The following SNTB1 variants were observed in gnomAD, a reference collection of about 807,000 sequenced individuals.
SNTB1 encodes syntrophin beta 1.
A neutral mutation model predicts 48.9 loss-of-function variants in SNTB1; 36 were observed. The ratio of observed to expected loss-of-function variants is 0.74; its 90% CI spans 0.56 to 0.97. The LOEUF is 0.97. Ranked by LOEUF, SNTB1 falls within the 50% of genes least tolerant of loss-of-function variation. SNTB1 has a pLI of 0.00. For missense variants in SNTB1, 786 were observed against 703.4 expected (o/e 1.12, Z -1.33); for synonymous variants, 299 against 294.6 (o/e 1.01, Z -0.15).
chr8:120,654,039 C>CAAAAA (rs58873007), intron 2 of SNTB1, among the ~76,000 whole-genome samples: 5,934 of 25,290 alleles, frequency 0.23, 2,029 homozygotes, highest in Non-Finnish European at 0.31. Context: ...GACTCTGCCT[C>CAAAAA]AAAAAAAAAA....
At chr8:120,624,858 C>G (rs916598613) in intron 3 of SNTB1, among the ~76,000 whole-genome samples, 1 of 152,148 alleles carries the variant, frequency 6.6e-6, no homozygotes, top group Non-Finnish European at 1.5e-5. Context: ...ATTCCTGTTC[C>G]AAAAGGGAGA....
chr8:120,680,315 C>G (rs777426148), intron 2 of SNTB1, among the ~76,000 whole-genome samples: 19 of 152,182 alleles, frequency 1.2e-4, no homozygotes, highest in Non-Finnish European at 2.6e-4. Context: ...ATTGATGCAG[C>G]CTCAACATCC....
At chr8:120,682,136 A>G (rs1486800601) in intron 2 of SNTB1, among the ~76,000 whole-genome samples, 1 of 152,320 alleles carries the variant, frequency 6.6e-6, no homozygotes, top group East Asian at 1.9e-4. Flanking sequence ...AGAGAAAAAA[A>G]CCTTACAACA....
intron 2 of SNTB1, among the ~76,000 whole-genome samples, chr8:120,681,362 C>A (rs1034667749): frequency 1.3e-5 from 2 of 152,082 alleles, no homozygotes; most frequent in Non-Finnish European, 2.9e-5. Flanking sequence ...GGACAGACAG[C>A]GATGGAGCTG....
At chr8:120,568,216 G>C (rs1402192008) in intron 4 of SNTB1, among the ~76,000 whole-genome samples, 2 of 152,142 alleles carry the variant, frequency 1.3e-5, no homozygotes, top group South Asian at 4.2e-4. Context: ...CCACCTCAGA[G>C]AGCCACCTTT....
chr8:120,608,209 A>G (rs117498391), intron 3 of SNTB1, among the ~76,000 whole-genome samples: 1,825 of 152,282 alleles, frequency 0.012, 22 homozygotes, highest in Non-Finnish European at 0.018. Context: ...CAAAATTTCA[A>G]ATTGCAAAAG....
chr8:120,648,679 C>A (rs985430688), intron 2 of SNTB1, among the ~76,000 whole-genome samples: 2 of 151,346 alleles, frequency 1.3e-5, no homozygotes, highest in African/African-American at 4.8e-5. Context: ...ATCTTTGTGG[C>A]GTTGTCTGTA....
chr8:120,542,645 C>T (rs1225535362), intron 5 of SNTB1, among the ~76,000 whole-genome samples: 1 of 151,938 alleles, frequency 6.6e-6, no homozygotes, highest in Non-Finnish European at 1.5e-5. Context: ...CAGAGCAAGA[C>T]TCTGTCTCAA....
chr8:120,563,199 AT>A (rs1336313982), intron 4 of SNTB1, among the ~76,000 whole-genome samples: 2 of 152,100 alleles, frequency 1.3e-5, no homozygotes, highest in African/African-American at 4.8e-5. Context: ...TGTGACCTTA[AT>A]CCTCACTCTC....
chr8:120,555,231 A>G (rs574154205), intron 4 of SNTB1, among the ~76,000 whole-genome samples: 21 of 152,306 alleles, frequency 1.4e-4, no homozygotes, highest in Middle Eastern at 3.4e-3. Flanking sequence ...GTGGAGGTTT[A>G]ATAGGTAGAA....
intron 4 of SNTB1, among the ~76,000 whole-genome samples, chr8:120,556,022 G>A (rs1347905292): frequency 1.3e-5 from 2 of 152,160 alleles, no homozygotes; most frequent in African/African-American, 4.8e-5. Flanking sequence ...CCAGTCTGTG[G>A]TATTTTGTTA....
chr8:120,730,296 A>G (rs1818830277), intron 1 of SNTB1, among the ~76,000 whole-genome samples: 1 of 151,964 alleles, frequency 6.6e-6, no homozygotes, highest in Non-Finnish European at 1.5e-5. Flanking sequence ...AGTAGCTGGG[A>G]TTTCAGGTGC....
At chr8:120,804,347 G>T (rs904801802) in intron 1 of SNTB1, among the ~76,000 whole-genome samples, 1 of 151,984 alleles carries the variant, frequency 6.6e-6, no homozygotes, top group Admixed American at 6.6e-5. Flanking sequence ...CTGTGCTAAA[G>T]GCTAACTTGT....
intron 2 of SNTB1, among the ~76,000 whole-genome samples, chr8:120,673,655 CTG>C (rs1817790757): frequency 6.6e-6 from 1 of 151,970 alleles, no homozygotes; most frequent in South Asian, 2.1e-4. Flanking sequence ...GCAGCAAAAA[CTG>C]TCAGATTCCC....
At chr8:120,696,906 A>G (rs1818219669) in intron 1 of SNTB1, among the ~76,000 whole-genome samples, 1 of 152,196 alleles carries the variant, frequency 6.6e-6, no homozygotes, top group Non-Finnish European at 1.5e-5. Flanking sequence ...GCTTTATTCT[A>G]CAGGCAGTAG....
intron 3 of SNTB1, among the ~76,000 whole-genome samples, chr8:120,612,056 T>C (rs1421414537): frequency 1.3e-5 from 2 of 152,118 alleles, no homozygotes; most frequent in Admixed American, 6.5e-5. Flanking sequence ...ACGTCTCCCC[T>C]GTAGTGTACA....
chr8:120,643,301 G>T (rs924424771), intron 2 of SNTB1, among the ~76,000 whole-genome samples: 2 of 152,190 alleles, frequency 1.3e-5, no homozygotes, highest in Admixed American at 1.3e-4. Flanking sequence ...AGTTTTGGGG[G>T]AACAGGTGGT....
At chr8:120,566,856 T>G (rs1005359518) in intron 4 of SNTB1, among the ~76,000 whole-genome samples, 4 of 152,186 alleles carry the variant, frequency 2.6e-5, no homozygotes, top group Non-Finnish European at 5.9e-5. Context: ...TTTGCATGAT[T>G]AGGGGTAACA....
At chr8:120,555,715 T>C (rs548874705) in intron 4 of SNTB1, among the ~76,000 whole-genome samples, 1 of 152,246 alleles carries the variant, frequency 6.6e-6, no homozygotes, top group African/African-American at 2.4e-5. Flanking sequence ...AATAATTCCT[T>C]CTTAACCCCT....
Sources: gnomAD v4.1 joint callset for allele counts (sites outside exome capture counted in the v4.1 genomes callset) on GRCh38, gnomAD v4.1.1 for gene constraint, MANE v1.5 for transcripts, NCBI Gene and HGNC (gene_info 2026-07-23, HGNC 2026-07-21) for gene names.